NXN: variants seen among roughly 807,000 people sequenced by gnomAD.
The protein encoded by NXN is nucleoredoxin, also known as nucleoredoxin 1.
NXN carries 16 observed loss-of-function variants against 48.6 expected under a neutral mutation model. The observed-to-expected ratio is 0.33, with a 90% CI of 0.22 to 0.50. NXN has a LOEUF of 0.50. NXN is among the 20% of genes least tolerant of loss of function. The pLI is 0.98. For missense variants in NXN, 492 were observed against 605.5 expected (o/e 0.81, Z 1.97); for synonymous variants, 281 against 269.6 (o/e 1.04, Z -0.41).
intron 1 of NXN, among the ~76,000 whole-genome samples, chr17:900,913 C>CTTTTT (rs11367844): frequency 1.2e-4 from 9 of 75,850 alleles, no homozygotes; most frequent in African/African-American, 1.6e-4. Context: ...GATCTGCATT[C>CTTTTT]TTTTTTTTTT....
At chr17:877,806 T>G (rs2279993) in intron 1 of NXN, 5,433 of 152,324 alleles carry the variant, frequency 0.036, 269 homozygotes, top group East Asian at 0.24. Context: ...GAACCGGTTT[T>G]CACCAGGCAG....
At chr17:844,457 C>T (rs1466391634) in intron 1 of NXN, among the ~76,000 whole-genome samples, 1 of 148,326 alleles carries the variant, frequency 6.7e-6, no homozygotes, top group African/African-American at 2.4e-5. Flanking sequence ...CACCCTAACC[C>T]CAGCCCATCC....
At chr17:906,950 A>ACAG (rs1281496500) in intron 1 of NXN, among the ~76,000 whole-genome samples, 1 of 152,004 alleles carries the variant, frequency 6.6e-6, no homozygotes, top group Non-Finnish European at 1.5e-5. Context: ...TCATCCTCAA[A>ACAG]CAGCAGCAGC....
intron 6 of NXN, among the ~76,000 whole-genome samples, chr17:804,377 G>C (rs953338294): frequency 6.8e-6 from 1 of 146,450 alleles, no homozygotes; most frequent in Non-Finnish European, 1.5e-5. Context: ...CTGCCTCCCC[G>C]GTTCAAGCGA....
Position 978,592 on chromosome 17 carries a change from C to T in NXN, c.360+727G>A. On this transcript the variant is annotated intron_variant, in intron 1 of 7. Transcript: ENST00000336868. The surrounding 1 kb of genome is among the most constrained non-coding windows in gnomAD (Gnocchi z 4.1). The stretch of plus-strand genomic sequence containing the variant: ...GGCGTCTGGGGAGGAGGCTGGACGG[C>T]CAGACAATGCAAAGCTCCCCGGTGG... The T allele has an allele frequency of 6.6e-6, 1 of 152,520 alleles. No homozygotes were observed. The highest frequency in any genetic ancestry group is 1.5e-5 in the Non-Finnish European group (1 of 68,164). 9.4% of individuals were successfully genotyped at this position (152,520 alleles called of 1,614,324 possible).
chr17:818,612 G>A (rs764467366), intron 5 of NXN, among the ~76,000 whole-genome samples: 36 of 152,196 alleles, frequency 2.4e-4, no homozygotes, highest in East Asian at 1.9e-4. Context: ...TGGGCCGGGT[G>A]CAGTGGCTCA....
At chr17:937,825 T>C (rs1032224520) in intron 1 of NXN, among the ~76,000 whole-genome samples, 1 of 152,200 alleles carries the variant, frequency 6.6e-6, no homozygotes, top group Non-Finnish European at 1.5e-5. Context: ...AGCTCAGAAA[T>C]GTCTTTCGTT....
intron 1 of NXN, among the ~76,000 whole-genome samples, chr17:914,972 C>T (rs2068672049): frequency 6.6e-6 from 1 of 151,920 alleles, no homozygotes; most frequent in Admixed American, 6.6e-5. Context: ...CAAAGTCTCG[C>T]TCGCCAGGCT....
chr17:848,009 C>A (rs1470241977), intron 1 of NXN, among the ~76,000 whole-genome samples: 1 of 152,038 alleles, frequency 6.6e-6, no homozygotes, highest in Admixed American at 6.6e-5. Context: ...AAAGTTGTTA[C>A]AAAACGGGGC....
chr17:940,483 GTC>G (rs977678609), intron 1 of NXN, among the ~76,000 whole-genome samples: 1 of 152,190 alleles, frequency 6.6e-6, no homozygotes, highest in African/African-American at 2.4e-5. Flanking sequence ...CAAACGCAAT[GTC>G]TCTGTTAAAA....
At chr17:979,249 G>GGCGTGGGGGGCGGGCAGGGGTAACGA in intron 1 of NXN, 70 bp downstream of exon 1, 1 of 1,204,024 alleles carries the variant, frequency 8.3e-7, no homozygotes, top group Non-Finnish European at 1.1e-6. Context: ...AGGGGTAACG[G>GGCGTGGGGGGCGGGCAGGGGTAACGA]GCGTGGGGGG....
chr17:883,242 A>G (rs950792384), intron 1 of NXN, among the ~76,000 whole-genome samples: 4 of 152,136 alleles, frequency 2.6e-5, no homozygotes, highest in Non-Finnish European at 4.4e-5. Flanking sequence ...GGTGTCAATC[A>G]GGCCAGTAAG....
chr17:803,594 C>T (rs925337715), intron 7 of NXN, 88 bp downstream of exon 7: 3 of 1,565,372 alleles, frequency 1.9e-6, no homozygotes, highest in Non-Finnish European at 2.6e-6. Flanking sequence ...CCCTGGGGTC[C>T]TTTCAGGCAA....
intron 1 of NXN, among the ~76,000 whole-genome samples, chr17:882,716 T>C (rs1320107670): frequency 6.6e-6 from 1 of 151,924 alleles, no homozygotes; most frequent in African/African-American, 2.4e-5. Flanking sequence ...CTGCCTGCCT[T>C]GGCCTCCCAA....
chr17:838,303 C>T lies in NXN; in HGVS notation c.361-12225G>A, dbSNP rs902119868. The stretch of plus-strand genomic sequence containing the variant: ...CCCACCACCACACCCGGCTCATTTT[C>T]GTATTTTTAGTTGAGACGGGGTCTC... On this transcript the variant is annotated intron_variant, in intron 1 of 7. Transcript: ENST00000336868. Among the ~76,000 whole-genome samples the T allele has an allele frequency of 6.6e-5, 10 of 151,728 alleles. No individual in the cohort carries two copies. In the East Asian group the frequency reaches 1.7e-3, roughly 26 times the overall value.
At chr17:950,896 G>A (rs1259665089) in intron 1 of NXN, among the ~76,000 whole-genome samples, 1 of 151,386 alleles carries the variant, frequency 6.6e-6, no homozygotes, top group Non-Finnish European at 1.5e-5. Flanking sequence ...CCGTAAGAAA[G>A]ACACATTCCT....
intron 1 of NXN, among the ~76,000 whole-genome samples, chr17:882,084 T>C (rs1305305836): frequency 6.6e-6 from 1 of 152,188 alleles, no homozygotes; most frequent in Non-Finnish European, 1.5e-5. Flanking sequence ...ATGAATTTTA[T>C]TGTGTTAAAT....
In NXN at chr17:943,274, C is replaced by T. The variant is rs141813668; in HGVS notation, c.360+36045G>A. ...TGCATGAAGTTACCCAGCGAACCACCGACTCCCAGCTCTGTATGAACTACC... is the reference window on the plus strand; with the variant it reads ...TGCATGAAGTTACCCAGCGAACCACTGACTCCCAGCTCTGTATGAACTACC... On this transcript the variant is annotated intron_variant, in intron 1 of 7. Coordinates refer to ENST00000336868, the MANE Select transcript of NXN (RefSeq NM_022463.5). Among the ~76,000 whole-genome samples the T allele has an allele frequency of 9.2e-5, 14 of 152,274 alleles. No homozygotes were observed. The East Asian group carries it at 9.6e-4, about 10-fold the overall frequency.
At chr17:976,768 CTTT>C (rs397962595) in intron 1 of NXN, among the ~76,000 whole-genome samples, 6 of 142,496 alleles carry the variant, frequency 4.2e-5, no homozygotes, top group South Asian at 2.2e-4. Context: ...AAAATAATTC[CTTT>C]TTTTTTTTTT....
Sources: gnomAD v4.1 joint callset for allele counts (sites outside exome capture counted in the v4.1 genomes callset) on GRCh38, gnomAD v4.1.1 for gene constraint, Gnocchi (gnomAD v3.1) non-coding constraint, MANE v1.5 for transcripts, NCBI Gene and HGNC (gene_info 2026-07-23, HGNC 2026-07-21) for gene names.